Variants in NEDD4L observed in about 807,000 individuals in gnomAD.
NEDD4L encodes NEDD4 like E3 ubiquitin protein ligase.
NEDD4L carries 54 observed loss-of-function variants against 148.9 expected under a neutral mutation model. The observed-to-expected ratio is 0.36, with a 90% confidence interval of 0.29 to 0.45. NEDD4L has a LOEUF of 0.45. Among genes scored for constraint, NEDD4L ranks in the 20% least tolerant of loss-of-function variants. The pLI is 1.00. For synonymous variants in NEDD4L, 433 were observed against 440.7 expected (o/e 0.98, Z 0.22); for missense variants, 856 against 1,233.8 (o/e 0.69, Z 4.59).
intron 1 of NEDD4L, among the ~76,000 whole-genome samples, chr18:58,066,216 A>T (rs1235708564): frequency 6.6e-6 from 1 of 152,148 alleles, no homozygotes; most frequent in Non-Finnish European, 1.5e-5. Context: ...CGTTTTTGGA[A>T]GCGTCCATTT....
chr18:58,283,464 T>C (rs922938115), intron 5 of NEDD4L, among the ~76,000 whole-genome samples: 9 of 152,200 alleles, frequency 5.9e-5, no homozygotes, highest in Non-Finnish European at 1.3e-4. Context: ...CACGTGGCCA[T>C]GCCATTTCAG....
intron 1 of NEDD4L, among the ~76,000 whole-genome samples, chr18:58,069,969 C>T (rs2082783034): frequency 6.6e-6 from 1 of 152,180 alleles, no homozygotes; most frequent in African/African-American, 2.4e-5. Context: ...AGCTGTGAAA[C>T]TCAGAAGTCT....
At chr18:58,386,265 A>G (rs373833589) in intron 26 of NEDD4L, among the ~76,000 whole-genome samples, 5 of 151,986 alleles carry the variant, frequency 3.3e-5, no homozygotes. Context: ...GTTGGCCAGG[A>G]TGGTCTTGAT....
rs1283539410 is a variant in NEDD4L, at chr18:58,329,086, G to C, written c.772G>C (p.Asp258His). ...CCGCTCCCGCAGGCACATCAGCGAA[G>C]ACTTGGAGCCCGAGCCCTCGGAGGG... ...RFRSRRHISEDLEPEPSEGGD... is the reference protein window; with the variant it reads ...RFRSRRHISEHLEPEPSEGGD... Residue 258 changes from aspartate to histidine, a missense_variant, in exon 10 of 31, where the codon GAC becomes CAC. Coordinates refer to ENST00000400345, the MANE Select transcript of NEDD4L (RefSeq NM_001144967.3). 6.2e-7 allele frequency: 1 copy of C among 1,614,052 alleles called. No individual in the cohort carries two copies. Among genetic ancestry groups the C allele is most frequent in the Non-Finnish European group, 8.5e-7 (1 of 1,179,902 alleles).
intron 5 of NEDD4L, among the ~76,000 whole-genome samples, chr18:58,267,810 A>C (rs2050432477): frequency 6.6e-6 from 1 of 152,108 alleles, no homozygotes; most frequent in African/African-American, 2.4e-5. Flanking sequence ...CGTATTGTCC[A>C]TTGATGAATA....
At chr18:58,094,172 T>G (rs1369816346) in intron 1 of NEDD4L, among the ~76,000 whole-genome samples, 2 of 151,284 alleles carry the variant, frequency 1.3e-5, no homozygotes, top group Non-Finnish European at 3.0e-5. Context: ...GCACCCCCTT[T>G]TTTTTTTTTA....
At chr18:58,231,904 A>G (rs2148146728) in intron 2 of NEDD4L, among the ~76,000 whole-genome samples, 1 of 152,300 alleles carries the variant, frequency 6.6e-6, no homozygotes, top group South Asian at 2.1e-4. Flanking sequence ...CCCACCTAAT[A>G]GAAAGTCGGA....
At chr18:58,195,591 TTGGTTACC>T (rs2040581326) in intron 2 of NEDD4L, 1 of 1,341,904 alleles carries the variant, frequency 7.5e-7, no homozygotes, top group Admixed American at 2.0e-5. Context: ...CTCCAGGCTG[TTGGTTACC>T]TGGCCGGGAG....
intron 1 of NEDD4L, among the ~76,000 whole-genome samples, chr18:58,106,519 G>C (rs772508618): frequency 1.8e-4 from 27 of 152,274 alleles, no homozygotes; most frequent in Non-Finnish European, 3.1e-4. Context: ...GTGAAGGGGG[G>C]CCGGTTCCCA....
At chr18:58,355,205 G>C (rs1007461323) in intron 18 of NEDD4L, among the ~76,000 whole-genome samples, 3 of 152,160 alleles carry the variant, frequency 2.0e-5, no homozygotes, top group Non-Finnish European at 1.5e-5. Flanking sequence ...GACGCCCAGA[G>C]AACAGTTCAG....
At chr18:58,390,803 C>G in intron 29 of NEDD4L, 61 bp downstream of exon 29, 2 of 1,261,524 alleles carry the variant, frequency 1.6e-6, no homozygotes, top group South Asian at 2.6e-5. Context: ...GGCATGAACT[C>G]TGGCCCAAGA....
intron 5 of NEDD4L, among the ~76,000 whole-genome samples, chr18:58,265,626 G>A (rs914766388): frequency 1.4e-4 from 21 of 152,092 alleles, no homozygotes; most frequent in Middle Eastern, 3.4e-3. Flanking sequence ...GTACGGTGGC[G>A]TTAAGATGGC....
chr18:58,185,719 C>G (rs2039392299), intron 2 of NEDD4L, among the ~76,000 whole-genome samples: 1 of 151,966 alleles, frequency 6.6e-6, no homozygotes, highest in African/African-American at 2.4e-5. Flanking sequence ...ACTAAAAATA[C>G]AAAATTAGCC....
intron 1 of NEDD4L, among the ~76,000 whole-genome samples, chr18:58,055,193 C>T (rs890004057): frequency 3.9e-5 from 6 of 152,232 alleles, no homozygotes; most frequent in African/African-American, 4.8e-5. Flanking sequence ...CAGTGGCTCA[C>T]GCCTGTAATC....
rs924504192 is a variant in NEDD4L, at chr18:58,396,819, A to G, written c.*550A>G. 6 of 152,456 alleles carry G rather than the reference A, an allele frequency of 3.9e-5. 1 individual carries two copies. In the South Asian group the frequency reaches 8.3e-4, roughly 21 times the overall value. 9.4% of individuals were successfully genotyped at this position (152,456 alleles called of 1,614,324 possible). Reference sequence around the variant, plus strand: ...CACCCTCTACTTTATTAGAATTGGAAGGCAAATTTTTGTCCAAAAACCTAC... The same window carrying G: ...CACCCTCTACTTTATTAGAATTGGAGGGCAAATTTTTGTCCAAAAACCTAC... On this transcript the variant is annotated 3_prime_UTR_variant, in exon 31 of 31. Coordinates refer to ENST00000400345, the MANE Select transcript of NEDD4L (RefSeq NM_001144967.3).
chr18:58,135,293 A>C (rs549130216), intron 1 of NEDD4L, among the ~76,000 whole-genome samples: 1 of 152,332 alleles, frequency 6.6e-6, no homozygotes, highest in African/African-American at 2.4e-5. Flanking sequence ...GATGTGGCAA[A>C]TTGGCCCAGC....
chr18:58,051,821 T>C (rs1357132138), intron 1 of NEDD4L, among the ~76,000 whole-genome samples: 2 of 152,218 alleles, frequency 1.3e-5, no homozygotes, highest in Non-Finnish European at 2.9e-5. Context: ...TAGAATAATA[T>C]ATAAATAATA....
In NEDD4L at chr18:58,256,073, C is replaced by A; in HGVS notation, c.297+4019C>A. On this transcript the variant is annotated intron_variant, in intron 5 of 30. Transcript: ENST00000400345. The surrounding 1 kb of genome is among the most constrained non-coding windows in gnomAD (Gnocchi z 5.2). ...CTCGCCCCAGAGTGGCTCCCGGGAG[C>A]CCTCGCCGAGGGACACCCCCGGGAG... is the stretch of plus-strand genomic sequence containing the variant. The A allele has an allele frequency of 1.6e-6, 2 of 1,228,548 alleles. No homozygotes were observed. Among genetic ancestry groups the A allele is most frequent in the Non-Finnish European group, 2.0e-6 (2 of 985,890 alleles). 76.1% of individuals were successfully genotyped at this position (1,228,548 alleles called of 1,614,324 possible). A position where few individuals can be genotyped will look rare whatever the true frequency, so the allele number is the denominator to read the frequency against.
intron 2 of NEDD4L, among the ~76,000 whole-genome samples, chr18:58,184,807 A>G (rs1386903873): frequency 6.6e-6 from 1 of 152,088 alleles, no homozygotes; most frequent in African/African-American, 2.4e-5. Flanking sequence ...GGGCGCCTGT[A>G]GTCCCAGCTA....
Sources: allele counts gnomAD v4.1 joint callset (sites outside exome capture counted in the v4.1 genomes callset), GRCh38; gene constraint gnomAD v4.1.1; non-coding constraint Gnocchi (gnomAD v3.1); transcripts MANE v1.5; gene names NCBI Gene and HGNC (gene_info 2026-07-23, HGNC 2026-07-21).